The following PITPNM2 variants were observed in gnomAD, a reference collection of about 807,000 sequenced individuals.
PITPNM2 encodes the protein membrane-associated phosphatidylinositol transfer protein 2.
Under a neutral mutation model 132.2 loss-of-function variants are expected in PITPNM2, and 35 were observed. The observed-to-expected ratio is 0.26, with a 90% confidence interval of 0.20 to 0.35. The LOEUF is 0.35. Ranked by LOEUF, PITPNM2 falls within the 10% of genes least tolerant of loss-of-function variation. The pLI is 1.00. For synonymous variants in PITPNM2, 738 were observed against 799.2 expected, an observed-to-expected ratio of 0.92 and a Z score of 1.29; for missense variants, 1,332 against 1,912.0, an observed-to-expected ratio of 0.70 and a Z score of 5.66.
rs1241087390 is a variant in PITPNM2, at chr12:123,004,839, G to A, written c.953-350C>T. 6.6e-6 allele frequency among the ~76,000 whole-genome samples: 1 copy of A among 152,226 alleles called. No individual in the cohort carries two copies. Among genetic ancestry groups the A allele is most frequent in the Non-Finnish European group, 1.5e-5 (1 of 68,022 alleles). ...AACTCCTGAAATTTGGCCACAGCAG[G>A]GCCCAGGCGGGAGATGAGTGAGCCA... On this transcript the variant is annotated intron_variant, in intron 7 of 25. Transcript: ENST00000320201. This position sits in a 1 kb window ranked among gnomAD's most constrained non-coding sequence, Gnocchi z 4.9.
intron 2 of PITPNM2, among the ~76,000 whole-genome samples, chr12:123,094,001 C>T (rs1450555711): frequency 1.3e-5 from 2 of 152,194 alleles, no homozygotes; most frequent in African/African-American, 4.8e-5. Flanking sequence ...AGGCTGGGCT[C>T]GGAGGCTGCG....
At chr12:123,065,220 CA>C (rs976064205) in intron 2 of PITPNM2, among the ~76,000 whole-genome samples, 40 of 152,312 alleles carry the variant, frequency 2.6e-4, no homozygotes, top group African/African-American at 7.5e-4. Context: ...CGAGAGCATC[CA>C]AAAAACCAGA....
chr12:123,086,222 C>T (rs2137060954), intron 2 of PITPNM2, among the ~76,000 whole-genome samples: 1 of 152,290 alleles, frequency 6.6e-6, no homozygotes, highest in South Asian at 2.1e-4. Context: ...CCTTCCTGCT[C>T]CCTGGCTACA....
chr12:123,062,721 C>T (rs534656488), intron 2 of PITPNM2, among the ~76,000 whole-genome samples: 107 of 152,266 alleles, frequency 7.0e-4, no homozygotes, highest in African/African-American at 1.0e-3. Flanking sequence ...AATAGCCTCA[C>T]CTCAGTTCAG....
At chr12:123,037,973 G>T (rs542573556) in intron 2 of PITPNM2, among the ~76,000 whole-genome samples, 1 of 151,984 alleles carries the variant, frequency 6.6e-6, no homozygotes, top group Admixed American at 6.7e-5. Flanking sequence ...ATATTTTTGC[G>T]TGCAGGCAGA....
At chr12:123,130,527 T>C (rs1280824441) in intron 1 of PITPNM2, among the ~76,000 whole-genome samples, 1 of 152,052 alleles carries the variant, frequency 6.6e-6, no homozygotes, top group Admixed American at 6.6e-5. Context: ...ACGCCTGTAA[T>C]CCCAGCACTT....
At chr12:123,066,438 G>C (rs1380392008) in intron 2 of PITPNM2, among the ~76,000 whole-genome samples, 1 of 152,172 alleles carries the variant, frequency 6.6e-6, no homozygotes, top group African/African-American at 2.4e-5. Flanking sequence ...AGCAAGAGCA[G>C]GGGTCTGGCT....
Position 123,013,857 on chromosome 12 carries a change from A to C in PITPNM2, c.264T>G (p.Ser88=). The C allele has an allele frequency of 6.2e-7, 1 of 1,614,154 alleles. No homozygotes were observed. Among genetic ancestry groups the C allele is most frequent in the Non-Finnish European group, 8.5e-7 (1 of 1,180,018 alleles). ...TTCGGGTGTAGGGGTAGGCATTCCA[A>C]GACTCCTCCACCACCCGCAGGGCTG... ...PKAALRVVEE[S]WNAYPYTRTR... Residue 88 remains serine, a synonymous_variant, in exon 4 of 26, where the codon TCT becomes TCG. Coordinates refer to ENST00000320201, the MANE Select transcript of PITPNM2 (RefSeq NM_020845.3).
rs1185791531 is a variant in PITPNM2 at position 122,987,162 on chromosome 12, C to T, written c.3413+119G>A. ...GCTCTGAACTGAGGTCCTTAAGGCC[C>T]AGTGCCCGAGCCAGGCGTCCCCCAC... On this transcript the variant is annotated intron_variant, in intron 23 of 25. Coordinates refer to ENST00000320201, the MANE Select transcript of PITPNM2 (RefSeq NM_020845.3). 2.1e-6 allele frequency: 3 copies of T among 1,422,350 alleles called. No homozygotes were observed. The African/African-American group carries it at 4.2e-5, about 20-fold the overall frequency. 88.1% of individuals were successfully genotyped at this position (1,422,350 alleles called of 1,614,324 possible).
In PITPNM2 at chr12:122,987,412, G is replaced by A. The variant is rs143781726; in HGVS notation, c.3282C>T (p.Ala1094=). The change falls in exon 23 of 26, where the codon GCC becomes GCT. Residue 1094 remains alanine, a synonymous_variant. Coordinates refer to ENST00000320201, the MANE Select transcript of PITPNM2 (RefSeq NM_020845.3). Reference sequence around the variant, plus strand: ...TGGGCAGCACGGTGATGTAGCTGTCGGCAAACGTGTGGTCTCCCCTGGCAG... The same window carrying A: ...TGGGCAGCACGGTGATGTAGCTGTCAGCAAACGTGTGGTCTCCCCTGGCAG... The part of the protein sequence containing the change: ...KMVVRGDHTF[A]DSYITVLPKG... 372 of 1,613,848 alleles carry A rather than the reference G, an allele frequency of 2.3e-4. No individual in the cohort carries two copies. The African/African-American group carries it at 4.2e-3, about 18-fold the overall frequency.
intron 8 of PITPNM2, among the ~76,000 whole-genome samples, chr12:123,001,859 C>T (rs764795899): frequency 3.3e-5 from 5 of 151,924 alleles, no homozygotes; most frequent in Non-Finnish European, 5.9e-5. Context: ...GGTGAAATCC[C>T]GTCTCTACTA....
Position 122,985,154 on chromosome 12 carries a change from G to A in PITPNM2, c.*873C>T, listed in dbSNP as rs959158222. On this transcript the variant is annotated 3_prime_UTR_variant, in exon 26 of 26. Transcript: ENST00000320201. ...GTGCTGGGTGTTTTCAGTGTGGAGG[G>A]GCTGCTCTCAGTACTGAAAGAGTTA... The A allele has an allele frequency of 6.6e-6, 1 of 152,500 alleles. No homozygotes were observed. Among genetic ancestry groups the A allele is most frequent in the Non-Finnish European group, 1.5e-5 (1 of 68,030 alleles). 9.4% of individuals were successfully genotyped at this position (152,500 alleles called of 1,614,324 possible).
rs949806021 is a variant in PITPNM2, at chr12:123,106,507, G to A, written c.-96+3878C>T. Among the ~76,000 whole-genome samples, 5 of 152,196 alleles carry A rather than the reference G, an allele frequency of 3.3e-5. No homozygotes were observed. In the East Asian group the frequency reaches 9.6e-4, roughly 29 times the overall value. The stretch of plus-strand genomic sequence containing the variant: ...TGCAGGGGTCAGTCCCCAGAGCTCC[G>A]GGGAACAGGAAGAAGAGGAGACTGA... On this transcript the variant is annotated intron_variant, in intron 2 of 25. Transcript: ENST00000320201. This position sits in a 1 kb window ranked among gnomAD's most constrained non-coding sequence, Gnocchi z 4.4.
intron 2 of PITPNM2, among the ~76,000 whole-genome samples, chr12:123,071,685 C>A (rs188068917): frequency 6.6e-6 from 1 of 152,256 alleles, no homozygotes; most frequent in Non-Finnish European, 1.5e-5. Flanking sequence ...GACGATCATC[C>A]GCTTCACACG....
chr12:123,044,700 G>C (rs1222512358), intron 2 of PITPNM2, among the ~76,000 whole-genome samples: 1 of 152,182 alleles, frequency 6.6e-6, no homozygotes, highest in Non-Finnish European at 1.5e-5. Flanking sequence ...AGCTCCTGCA[G>C]TCCTACTTCA....
chr12:123,103,900 A>T (rs1318339646), intron 2 of PITPNM2, among the ~76,000 whole-genome samples: 1 of 150,596 alleles, frequency 6.6e-6, no homozygotes, highest in African/African-American at 2.5e-5. Flanking sequence ...TTGTTATTTT[A>T]TTTATTTATT....
Position 122,986,031 on chromosome 12 carries a change from T to G in PITPNM2, c.4046A>C (p.Lys1349Thr). The change falls in exon 26 of 26, where the codon AAG becomes ACG. Residue 1349 changes from lysine (K) to threonine (T), a missense_variant. Coordinates refer to ENST00000320201, the MANE Select transcript of PITPNM2 (RefSeq NM_020845.3). ...CCGCGCTGCACTCACGGTGCCCTAC[T>G]TGGGGCCCGCGGCTGCCCCCGGCTC... ...RLEPGAAAGP[K>T] 1.4e-6 allele frequency: 2 copies of G among 1,399,880 alleles called. No individual in the cohort carries two copies. Among genetic ancestry groups the G allele is most frequent in the Non-Finnish European group, 1.8e-6 (2 of 1,089,142 alleles). The allele number at this position is 1,399,880 out of a possible 1,614,324, so 86.7% of individuals were successfully genotyped here.
rs1349417090 is a variant in PITPNM2 at position 123,117,211 on chromosome 12, T to A, written c.-199-6723A>T. On this transcript the variant is annotated intron_variant, in intron 1 of 25. Transcript: ENST00000320201. The surrounding 1 kb of genome is among the most constrained non-coding windows in gnomAD (Gnocchi z 4.7). ...AGAGAGTAGTCTTCCACTCCCAATA[T>A]CCCAATGGAGTGAATGCTGAAATGA... 6.6e-6 allele frequency among the ~76,000 whole-genome samples: 1 copy of A among 152,104 alleles called. No homozygotes were observed. Among genetic ancestry groups the A allele is most frequent in the Non-Finnish European group, 1.5e-5 (1 of 68,012 alleles).
Position 123,005,215 on chromosome 12 carries a change from G to A in PITPNM2, c.952+25C>T, listed in dbSNP as rs781020658. ...CTTGAGGGGAGGGACCTTGAGTGTG[G>A]GTGGCAGGTGGCGCAGGGCCTTACC... On this transcript the variant is annotated intron_variant, in intron 7 of 25. Transcript: ENST00000320201. The surrounding 1 kb of genome is among the most constrained non-coding windows in gnomAD (Gnocchi z 6.2). The A allele has an allele frequency of 3.6e-5, 57 of 1,598,204 alleles. No homozygotes were observed. Among genetic ancestry groups the A allele is most frequent in the Non-Finnish European group, 4.8e-5 (56 of 1,170,458 alleles).
Sources: allele counts gnomAD v4.1 joint callset (sites outside exome capture counted in the v4.1 genomes callset), GRCh38; gene constraint gnomAD v4.1.1; non-coding constraint Gnocchi (gnomAD v3.1); transcripts MANE v1.5; gene names NCBI Gene and HGNC (gene_info 2026-07-23, HGNC 2026-07-21).